CCNY: variants seen among roughly 807,000 people sequenced by gnomAD.
CCNY encodes the protein cyclin-Y.
In CCNY, 19 loss-of-function variants were observed where a neutral mutation model predicts 42.8. The observed-to-expected ratio is 0.44, with a 90% CI of 0.31 to 0.65. The LOEUF (loss-of-function observed/expected upper bound fraction) is 0.65, where lower values mean the gene tolerates loss of function less well. CCNY is among the 30% of genes least tolerant of loss of function. CCNY has a pLI of 0.07. For missense variants in CCNY, 370 were observed against 437.3 expected, an observed-to-expected ratio of 0.85 and a Z score of 1.37; for synonymous variants, 165 against 162.7, an observed-to-expected ratio of 1.01 and a Z score of -0.11.
chr10:35,438,149 CT>C (rs375497545), intron 1 of CCNY, among the ~76,000 whole-genome samples: 578 of 137,618 alleles, frequency 4.2e-3, no homozygotes, highest in Middle Eastern at 0.019. Context: ...CTTCAGAGTT[CT>C]TTTTTTTTTT....
At chr10:35,408,854 G>T (rs543417699) in intron 1 of CCNY, among the ~76,000 whole-genome samples, 3 of 152,014 alleles carry the variant, frequency 2.0e-5, no homozygotes, top group African/African-American at 4.8e-5. Flanking sequence ...AGAGGTTTAC[G>T]CTAGAAATGG....
chr10:35,259,360 C>A (rs1476947774), intron 3 of CCNY, among the ~76,000 whole-genome samples: 4 of 152,086 alleles, frequency 2.6e-5, no homozygotes, highest in Non-Finnish European at 5.9e-5. Context: ...AGTGCACCAC[C>A]ATGCTTGGCT....
At chr10:35,401,139 A>G (rs1331219803) in intron 1 of CCNY, among the ~76,000 whole-genome samples, 1 of 152,166 alleles carries the variant, frequency 6.6e-6, no homozygotes, top group Non-Finnish European at 1.5e-5. Flanking sequence ...TTTTTTGTAG[A>G]ATTTTATACT....
In CCNY at chr10:35,490,523, C is replaced by G. The variant is rs368941075; in HGVS notation, c.229+7045C>G. Among the ~76,000 whole-genome samples, 11 of 152,344 alleles carry G rather than the reference C, an allele frequency of 7.2e-5. No individual in the cohort carries two copies. In the East Asian group the frequency reaches 2.1e-3, roughly 29 times the overall value. On this transcript the variant is annotated intron_variant, in intron 2 of 9. Coordinates refer to ENST00000374704, the MANE Select transcript of CCNY (RefSeq NM_145012.6). ...CGGTCCACTGCACCTTCCCGCCCTTCCCTGTGTCCTCCTGCACTGCTGCCC... is the reference window on the plus strand; with the variant it reads ...CGGTCCACTGCACCTTCCCGCCCTTGCCTGTGTCCTCCTGCACTGCTGCCC...
At chr10:35,466,433 A>G (rs1490131972) in intron 1 of CCNY, among the ~76,000 whole-genome samples, 1 of 152,186 alleles carries the variant, frequency 6.6e-6, no homozygotes, top group Non-Finnish European at 1.5e-5. Flanking sequence ...ACAAGGCCAG[A>G]CTGGAGGAGC....
chr10:35,426,254 A>C (rs928386321), intron 1 of CCNY, among the ~76,000 whole-genome samples: 18 of 144,106 alleles, frequency 1.2e-4, no homozygotes, highest in Non-Finnish European at 2.0e-4. Flanking sequence ...CACACACACA[A>C]ACACACAAAC....
intron 1 of CCNY, among the ~76,000 whole-genome samples, chr10:35,368,919 A>T (rs1312054259): frequency 6.6e-6 from 1 of 152,170 alleles, no homozygotes. Flanking sequence ...GGGTCTCTGT[A>T]CTTCCACTGC....
intron 3 of CCNY, among the ~76,000 whole-genome samples, chr10:35,503,822 C>T (rs1368010551): frequency 2.6e-5 from 4 of 152,168 alleles, no homozygotes; most frequent in African/African-American, 4.8e-5. Context: ...GCTTCAAGCA[C>T]GCCACTTAGC....
chr10:35,427,808 A>G (rs1294100317), intron 1 of CCNY, among the ~76,000 whole-genome samples: 1 of 152,188 alleles, frequency 6.6e-6, no homozygotes, highest in East Asian at 1.9e-4. Flanking sequence ...CCTTCCCTGC[A>G]GGAAAGAGCA....
chr10:35,443,428 T>G (rs1358446398), intron 1 of CCNY, among the ~76,000 whole-genome samples: 1 of 152,228 alleles, frequency 6.6e-6, no homozygotes. Flanking sequence ...GTTTAAAATT[T>G]TTATTGTCTT....
intron 1 of CCNY, among the ~76,000 whole-genome samples, chr10:35,381,565 CAA>C (rs57561593): frequency 5.0e-4 from 35 of 69,674 alleles, no homozygotes; most frequent in Admixed American, 6.3e-4. Context: ...GACTCCGTCT[CAA>C]AAAAAAAAAA....
At chr10:35,271,702 G>A (rs1003696658) in intron 3 of CCNY, among the ~76,000 whole-genome samples, 2 of 152,168 alleles carry the variant, frequency 1.3e-5, no homozygotes, top group Non-Finnish European at 2.9e-5. Context: ...ACCGATGCCA[G>A]AGTGGCCCCT....
chr10:35,390,666 A>C (rs1837395069), intron 1 of CCNY, among the ~76,000 whole-genome samples: 1 of 152,182 alleles, frequency 6.6e-6, no homozygotes. Flanking sequence ...GCCTATGTGC[A>C]GGGCAGACCT....
chr10:35,565,880 G>C (rs1018425941), intron 8 of CCNY, 143 bp from the exon 9 acceptor site: 1 of 796,886 alleles, frequency 1.3e-6, no homozygotes, highest in South Asian at 1.7e-5. Context: ...CCAATATGGT[G>C]GTCTAACCAG....
At chr10:35,534,354 CTCG>C (rs1012599214) in intron 7 of CCNY, among the ~76,000 whole-genome samples, 27 of 152,290 alleles carry the variant, frequency 1.8e-4, no homozygotes, top group African/African-American at 4.8e-4. Flanking sequence ...CAGAAAAAAA[CTCG>C]TCAACTTCGG....
At chr10:35,523,231 A>G (rs1294754192) in intron 4 of CCNY, among the ~76,000 whole-genome samples, 1 of 152,166 alleles carries the variant, frequency 6.6e-6, no homozygotes, top group Non-Finnish European at 1.5e-5. Flanking sequence ...CAGTTGAAAT[A>G]TTGCAGACCT....
chr10:35,566,628 C>T (rs1841577930), intron 9 of CCNY, among the ~76,000 whole-genome samples: 1 of 152,060 alleles, frequency 6.6e-6, no homozygotes, highest in African/African-American at 2.4e-5. Flanking sequence ...CAGACGTGAG[C>T]CGCTGTGCCT....
intron 3 of CCNY, among the ~76,000 whole-genome samples, chr10:35,283,944 C>T (rs761490568): frequency 2.0e-5 from 3 of 151,928 alleles, no homozygotes; most frequent in Non-Finnish European, 4.4e-5. Context: ...ATTAGCCGGG[C>T]TTGGTGGCAC....
At chr10:35,274,485 G>A (rs1359715629) in intron 3 of CCNY, among the ~76,000 whole-genome samples, 4 of 152,168 alleles carry the variant, frequency 2.6e-5, no homozygotes, top group African/African-American at 9.7e-5. Flanking sequence ...TTACCCTGAT[G>A]TCACAGGCTC....
Sources: allele counts gnomAD v4.1 joint callset (sites outside exome capture counted in the v4.1 genomes callset), GRCh38; gene constraint gnomAD v4.1.1; transcripts MANE v1.5; gene names NCBI Gene and HGNC (gene_info 2026-07-23, HGNC 2026-07-21).